The following DCC variants were observed in gnomAD, a reference collection of about 807,000 sequenced individuals.
The protein encoded by DCC is netrin receptor DCC.
DCC carries 58 observed loss-of-function variants against 172.5 expected under a neutral mutation model. That is an observed-to-expected ratio of 0.34 (90% CI 0.27 to 0.42). The LOEUF is 0.42. DCC is among the 10% of genes least tolerant of loss of function. DCC has a pLI of 1.00. For missense variants in DCC, 1,740 were observed against 1,791.0 expected (o/e 0.97, Z 0.51); for synonymous variants, 709 against 644.5 (o/e 1.10, Z -1.52).
intron 2 of DCC, among the ~76,000 whole-genome samples, chr18:52,802,556 G>A (rs1484994856): frequency 6.9e-6 from 1 of 145,038 alleles, no homozygotes; most frequent in Non-Finnish European, 1.5e-5. Flanking sequence ...CCGACTGACT[G>A]CAGCCTCAGT....
chr18:52,354,211 A>AGCCCCAG (rs1984258169), intron 1 of DCC, among the ~76,000 whole-genome samples: 1 of 152,190 alleles, frequency 6.6e-6, no homozygotes, highest in Non-Finnish European at 1.5e-5. Flanking sequence ...ACAATAGGAC[A>AGCCCCAG]GCCCCAGGTA....
At chr18:53,063,536 A>G (rs2042525650) in intron 6 of DCC, 77 bp downstream of exon 6, 6 of 752,200 alleles carry the variant, frequency 8.0e-6, no homozygotes, top group South Asian at 6.6e-5. Context: ...TTATTTCTTG[A>G]AAAAAAAAAA....
intron 1 of DCC, among the ~76,000 whole-genome samples, chr18:52,550,191 C>T (rs561297384): frequency 1.2e-4 from 18 of 151,730 alleles, no homozygotes; most frequent in South Asian, 6.2e-4. Context: ...AGAAAAAAAC[C>T]CAAATGAGAA....
At chr18:53,453,634 G>T (rs988474310) in intron 23 of DCC, among the ~76,000 whole-genome samples, 18 of 152,244 alleles carry the variant, frequency 1.2e-4, no homozygotes, top group African/African-American at 4.1e-4. Context: ...ATTCAGACTA[G>T]TGGGTAAGAT....
intron 1 of DCC, among the ~76,000 whole-genome samples, chr18:52,417,001 T>C (rs979004849): frequency 2.1e-4 from 32 of 152,216 alleles, no homozygotes; most frequent in Non-Finnish European, 4.1e-4. Context: ...GATTTTGCAG[T>C]GGCTGGTACC....
intron 1 of DCC, among the ~76,000 whole-genome samples, chr18:52,385,541 C>T (rs79498238): frequency 6.6e-6 from 1 of 152,016 alleles, no homozygotes; most frequent in Admixed American, 6.6e-5. Context: ...AGTTTATTCC[C>T]AGCTTCCAAA....
In DCC at chr18:52,396,563, C is replaced by T. The variant is rs535682324; in HGVS notation, c.91+55685C>T. The stretch of plus-strand genomic sequence containing the variant: ...CCGAGGTGGCCTGAGCATCTCCATC[C>T]CTTGTTAGGAAAAGGCTCTCTGGTT... On this transcript the variant is annotated intron_variant, in intron 1 of 28. Transcript: ENST00000442544. Among the ~76,000 whole-genome samples the T allele has an allele frequency of 9.9e-4, 150 of 152,096 alleles. 1 individual carries two copies. Among genetic ancestry groups the T allele is most frequent in the African/African-American group, 3.4e-3 (143 of 41,502 alleles).
At chr18:53,306,377 C>A (rs916110719) in intron 13 of DCC, among the ~76,000 whole-genome samples, 5 of 152,068 alleles carry the variant, frequency 3.3e-5, no homozygotes, top group African/African-American at 1.2e-4. Flanking sequence ...CAACGTAATA[C>A]CTTTAAAGTT....
intron 1 of DCC, among the ~76,000 whole-genome samples, chr18:52,457,670 A>T (rs992844554): frequency 1.3e-5 from 2 of 152,212 alleles, no homozygotes; most frequent in African/African-American, 2.4e-5. Flanking sequence ...GGTGAGAGTG[A>T]GAAGAAATTG....
chr18:52,407,479 C>A (rs563444714), intron 1 of DCC, among the ~76,000 whole-genome samples: 63 of 152,108 alleles, frequency 4.1e-4, no homozygotes, highest in Admixed American at 8.5e-4. Context: ...CCAATTACTT[C>A]CTTGATATTG....
rs116710071 is a variant in DCC, at chr18:52,627,404, C to A, written c.92-124650C>A. Among the ~76,000 whole-genome samples, 716 of 152,272 alleles carry A rather than the reference C, an allele frequency of 4.7e-3. 9 individuals are homozygous for A. The highest frequency in any genetic ancestry group is 0.016 in the African/African-American group (678 of 41,556). On this transcript the variant is annotated intron_variant, in intron 1 of 28. Transcript: ENST00000442544. ...GCACTGTTAGGGATGTGGAGATTCA[C>A]AAGACATCAACACTGCCTTCAAGTT...
chr18:52,969,584 ACTCTCTCTCTCT>A lies in DCC; in HGVS notation c.985+44241_985+44252del, dbSNP rs56024197. Among the ~76,000 whole-genome samples the A allele has an allele frequency of 4.8e-3, 575 of 119,530 alleles. 6 individuals are homozygous for A. The highest frequency in any genetic ancestry group is 0.014 in the African/African-American group (417 of 29,954). 78.4% of individuals were successfully genotyped at this position (119,530 alleles called of 152,430 possible). On this transcript the variant is annotated intron_variant, in intron 5 of 28. Coordinates refer to ENST00000442544, the MANE Select transcript of DCC (RefSeq NM_005215.4). Reference sequence around the variant, plus strand: ...AATTTCCTTATTTGCCCCGCCCCCCACTCTCTCTCTCTCTCTCTCTCTCTCTCTCTCTCTCTC... The same window carrying A: ...AATTTCCTTATTTGCCCCGCCCCCCACTCTCTCTCTCTCTCTCTCTCTCTC...
chr18:53,354,282 A>G (rs2057851207), intron 15 of DCC, among the ~76,000 whole-genome samples: 3 of 152,182 alleles, frequency 2.0e-5, no homozygotes, highest in Admixed American at 1.3e-4. Flanking sequence ...ATACCCAGTA[A>G]TGGGATGGCT....
intron 1 of DCC, among the ~76,000 whole-genome samples, chr18:52,650,900 A>G (rs1319583310): frequency 6.6e-6 from 1 of 152,362 alleles, no homozygotes; most frequent in East Asian, 1.9e-4. Context: ...CATTCAAACA[A>G]GAAATCTACT....
intron 2 of DCC, among the ~76,000 whole-genome samples, chr18:52,776,639 G>A (rs901830349): frequency 3.9e-5 from 6 of 152,014 alleles, no homozygotes; most frequent in African/African-American, 1.4e-4. Flanking sequence ...GGGATGGGCG[G>A]GGAAAGCTTA....
chr18:52,732,081 C>G (rs2036650931), intron 1 of DCC, among the ~76,000 whole-genome samples: 1 of 152,166 alleles, frequency 6.6e-6, no homozygotes, highest in Non-Finnish European at 1.5e-5. Context: ...GCCTAGACTT[C>G]TACTAGACTA....
intron 1 of DCC, among the ~76,000 whole-genome samples, chr18:52,743,933 A>G (rs987061207): frequency 3.9e-5 from 6 of 152,214 alleles, no homozygotes; most frequent in African/African-American, 1.4e-4. Context: ...TCCTGACACT[A>G]AAATCACTTC....
chr18:52,514,957 C>G (rs1362503036), intron 1 of DCC, among the ~76,000 whole-genome samples: 1 of 152,202 alleles, frequency 6.6e-6, no homozygotes, highest in Non-Finnish European at 1.5e-5. Context: ...TATTCCCCAA[C>G]TCATCCTATG....
chr18:53,205,088 A>G (rs1208861885), intron 9 of DCC, 128 bp from the exon 10 acceptor site: 7 of 726,466 alleles, frequency 9.6e-6, no homozygotes, highest in Admixed American at 6.5e-5. Context: ...TTCTTATTCC[A>G]TATTATTCTA....
Sources: gnomAD v4.1 joint callset for allele counts (sites outside exome capture counted in the v4.1 genomes callset) on GRCh38, gnomAD v4.1.1 for gene constraint, MANE v1.5 for transcripts, NCBI Gene and HGNC (gene_info 2026-07-23, HGNC 2026-07-21) for gene names.